Variants in ADAMTS3 observed in about 807,000 individuals in gnomAD.
ADAMTS3 encodes the protein A disintegrin and metalloproteinase with thrombospondin motifs 3.
In ADAMTS3, 73 loss-of-function variants were observed where a neutral mutation model predicts 129.0. The ratio of observed to expected loss-of-function variants is 0.57; its 90% CI spans 0.47 to 0.69. The LOEUF (loss-of-function observed/expected upper bound fraction) is 0.69. Ranked by LOEUF, ADAMTS3 falls within the 30% of genes least tolerant of loss-of-function variation. The pLI, the probability that ADAMTS3 is intolerant of heterozygous loss-of-function variation, is 0.00. For synonymous variants in ADAMTS3, 477 were observed against 510.8 expected, an observed-to-expected ratio of 0.93 and a Z score of 0.89; for missense variants, 1,457 against 1,514.5, an observed-to-expected ratio of 0.96 and a Z score of 0.63.
At chr4:72,381,977 C>G (rs1721301025) in intron 4 of ADAMTS3, among the ~76,000 whole-genome samples, 1 of 152,156 alleles carries the variant, frequency 6.6e-6, no homozygotes, top group Non-Finnish European at 1.5e-5. Context: ...AGAAGAGGTT[C>G]TCAATTACAC....
intron 4 of ADAMTS3, among the ~76,000 whole-genome samples, chr4:72,402,008 T>C (rs1485041412): frequency 2.0e-5 from 3 of 152,250 alleles, no homozygotes; most frequent in Non-Finnish European, 4.4e-5. Flanking sequence ...GAATTAGTTA[T>C]TATGAAAACA....
chr4:72,471,929 T>C (rs941231981), intron 3 of ADAMTS3, among the ~76,000 whole-genome samples: 6 of 152,066 alleles, frequency 3.9e-5, no homozygotes, highest in Non-Finnish European at 4.4e-5. Flanking sequence ...TTGTCAGAAC[T>C]ACTACCTGAA....
chr4:72,379,815 G>A (rs1173756512), intron 4 of ADAMTS3, among the ~76,000 whole-genome samples: 2 of 152,050 alleles, frequency 1.3e-5, no homozygotes, highest in Non-Finnish European at 2.9e-5. Flanking sequence ...AAATGAAGTA[G>A]TGCATATAAC....
intron 2 of ADAMTS3, among the ~76,000 whole-genome samples, chr4:72,565,694 C>T (rs964312097): frequency 6.6e-6 from 1 of 152,210 alleles, no homozygotes; most frequent in Non-Finnish European, 1.5e-5. Context: ...CCTAAGAGGG[C>T]TCCGCCTCCT....
chr4:72,310,507 C>T (rs542382242), intron 14 of ADAMTS3, among the ~76,000 whole-genome samples: 1 of 152,046 alleles, frequency 6.6e-6, no homozygotes, highest in South Asian at 2.1e-4. Context: ...AATTTCATAT[C>T]GATTTAACTA....
At chr4:72,547,184 C>T (rs764077028) in intron 3 of ADAMTS3, among the ~76,000 whole-genome samples, 12 of 152,110 alleles carry the variant, frequency 7.9e-5, no homozygotes, top group Non-Finnish European at 1.6e-4. Context: ...GATTGAATAT[C>T]TCAATAATTC....
At chr4:72,309,083 C>A (rs941306368) in intron 15 of ADAMTS3, among the ~76,000 whole-genome samples, 2 of 151,910 alleles carry the variant, frequency 1.3e-5, no homozygotes, top group Non-Finnish European at 2.9e-5. Flanking sequence ...TCTAATAATT[C>A]AATCTGCATT....
At chr4:72,472,312 A>G (rs1229670379) in intron 3 of ADAMTS3, among the ~76,000 whole-genome samples, 1 of 152,186 alleles carries the variant, frequency 6.6e-6, no homozygotes, top group East Asian at 1.9e-4. Flanking sequence ...AAAATAAGAT[A>G]TTAACCTCTG....
At chr4:72,290,028 C>T (rs1718615175) in intron 20 of ADAMTS3, among the ~76,000 whole-genome samples, 1 of 152,158 alleles carries the variant, frequency 6.6e-6, no homozygotes, top group African/African-American at 2.4e-5. Context: ...CCCTTTCCTC[C>T]TATAAACTAT....
At chr4:72,547,717 T>C (rs1721502199) in intron 3 of ADAMTS3, among the ~76,000 whole-genome samples, 1 of 152,214 alleles carries the variant, frequency 6.6e-6, no homozygotes, top group South Asian at 2.1e-4. Flanking sequence ...ATTACTAGAA[T>C]AATAAAATGA....
chr4:72,464,145 C>G (rs1048082263), intron 3 of ADAMTS3, among the ~76,000 whole-genome samples: 1 of 152,042 alleles, frequency 6.6e-6, no homozygotes, highest in African/African-American at 2.4e-5. Flanking sequence ...GCAAAACCTG[C>G]GTCACAGCTA....
chr4:72,306,209 C>T (rs1429396291), intron 15 of ADAMTS3, 142 bp from the exon 16 acceptor site: 1 of 569,412 alleles, frequency 1.8e-6, no homozygotes, highest in African/African-American at 1.9e-5. Context: ...CGGAAATTAA[C>T]TTCAAAGCAT....
At chr4:72,292,382 A>T (rs2109773849) in intron 19 of ADAMTS3, among the ~76,000 whole-genome samples, 1 of 152,348 alleles carries the variant, frequency 6.6e-6, no homozygotes, top group East Asian at 1.9e-4. Context: ...GCTACTTGAC[A>T]TATCTATACT....
chr4:72,427,504 G>A (rs1722601157), intron 3 of ADAMTS3, among the ~76,000 whole-genome samples: 2 of 152,012 alleles, frequency 1.3e-5, no homozygotes, highest in South Asian at 2.1e-4. Flanking sequence ...GAGGAATAGA[G>A]GTAAGGCACA....
intron 3 of ADAMTS3, among the ~76,000 whole-genome samples, chr4:72,543,918 G>A (rs905751248): frequency 2.0e-5 from 3 of 151,910 alleles, no homozygotes; most frequent in South Asian, 2.1e-4. Context: ...GAAAAAGTAG[G>A]CTATTACAAT....
At position 72,311,054 on chromosome 4, in the gene ADAMTS3, C is replaced by T; in HGVS notation, c.2049G>A (p.Glu683=). Reference sequence around the variant, plus strand: ...GGAAGCAATTTGAACTTACCACACACTCTCCTCGCACACATATGCTATATG... The same window carrying T: ...GGAAGCAATTTGAACTTACCACACATTCTCCTCGCACACATATGCTATATG... ...KDPYSICVRG[E]CVKVGCDKEI... is the part of the protein sequence containing the mutation. The change falls in exon 14 of 22, where the codon GAG becomes GAA. Residue 683 remains glutamate (E), a synonymous_variant. Transcript: ENST00000286657. The T allele has an allele frequency of 6.3e-7, 1 of 1,598,916 alleles. No individual in the cohort carries two copies. The highest frequency in any genetic ancestry group is 8.5e-7 in the Non-Finnish European group (1 of 1,171,190).
At chr4:72,466,905 T>C (rs1166557858) in intron 3 of ADAMTS3, among the ~76,000 whole-genome samples, 1 of 152,060 alleles carries the variant, frequency 6.6e-6, no homozygotes, top group Non-Finnish European at 1.5e-5. Flanking sequence ...GTTAAGATAA[T>C]GACCTCTCTA....
chr4:72,528,214 T>TG lies in ADAMTS3; in HGVS notation c.504+20263_504+20264insC, dbSNP rs1553920922. On this transcript the variant is annotated intron_variant, in intron 3 of 21. Transcript: ENST00000286657. ...ATCTCTCTTTTTTTAATTCTCTCTTTAAAAAAAAAAAGTTTCCATGCTAAT... is the reference window on the plus strand; with the variant it reads ...ATCTCTCTTTTTTTAATTCTCTCTTTGAAAAAAAAAAAGTTTCCATGCTAAT... Among the ~76,000 whole-genome samples the TG allele has an allele frequency of 7.3e-3, 1,082 of 148,476 alleles. 12 individuals are homozygous for TG. Among genetic ancestry groups the TG allele is most frequent in the African/African-American group, 0.025 (1,023 of 40,584 alleles).
chr4:72,306,235 C>T (rs1361464267), intron 15 of ADAMTS3, among the ~76,000 whole-genome samples, 168 bp from the exon 16 acceptor site: 1 of 151,866 alleles, frequency 6.6e-6, no homozygotes, highest in Non-Finnish European at 1.5e-5. Flanking sequence ...GCTTTTGTGA[C>T]ATCCAACATG....
Sources: gnomAD v4.1 joint callset for allele counts (sites outside exome capture counted in the v4.1 genomes callset) on GRCh38, gnomAD v4.1.1 for gene constraint, MANE v1.5 for transcripts, NCBI Gene and HGNC (gene_info 2026-07-23, HGNC 2026-07-21) for gene names.